Variants in PARN observed in about 807,000 individuals in gnomAD.
PARN encodes poly(A)-specific ribonuclease PARN.
PARN carries 71 observed loss-of-function variants against 102.8 expected under a neutral mutation model. The ratio of observed to expected loss-of-function variants is 0.69; its 90% CI spans 0.57 to 0.84. PARN has a LOEUF of 0.84. PARN is among the 40% of genes least tolerant of loss of function. PARN has a pLI of 0.00. For missense variants in PARN, 782 were observed against 760.9 expected (o/e 1.03, Z -0.33); for synonymous variants, 261 against 252.9 (o/e 1.03, Z -0.30).
At chr16:14,567,741 C>T (rs1458888768) in intron 18 of PARN, among the ~76,000 whole-genome samples, 4 of 152,100 alleles carry the variant, frequency 2.6e-5, no homozygotes, top group South Asian at 2.1e-4. Context: ...GGGATGTGCC[C>T]GGCACAGGCA....
chr16:14,548,537 G>A (rs962683405), intron 21 of PARN, among the ~76,000 whole-genome samples: 2 of 152,168 alleles, frequency 1.3e-5, no homozygotes, highest in African/African-American at 4.8e-5. Context: ...ACGCAATGGT[G>A]ACTGAGACAT....
intron 21 of PARN, among the ~76,000 whole-genome samples, chr16:14,541,379 T>A (rs938067920): frequency 3.9e-5 from 6 of 152,132 alleles, no homozygotes; most frequent in Non-Finnish European, 8.8e-5. Flanking sequence ...CTGGGAGCAA[T>A]CTAAGCTAAG....
At chr16:14,488,826 C>T (rs146208467) in intron 21 of PARN, among the ~76,000 whole-genome samples, 3 of 151,838 alleles carry the variant, frequency 2.0e-5, no homozygotes, top group African/African-American at 7.3e-5. Flanking sequence ...TTCCTATGAC[C>T]CTGCAATTTC....
intron 18 of PARN, among the ~76,000 whole-genome samples, chr16:14,570,649 CA>C (rs879863774): frequency 1.4e-3 from 145 of 100,736 alleles, no homozygotes; most frequent in Admixed American, 2.1e-3. Flanking sequence ...GACTCCATCT[CA>C]AAAAAAAAAA....
chr16:14,477,751 C>T lies in PARN; in HGVS notation c.1670+4887G>A, dbSNP rs191165612. On this transcript the variant is annotated intron_variant, in intron 22 of 23. Coordinates refer to ENST00000437198, the MANE Select transcript of PARN (RefSeq NM_002582.4). ...CCGAGATTGCGCCACTGCACTCCAGCCTGGCAACACAGCGAGACTCCGTCG... is the reference window on the plus strand; with the variant it reads ...CCGAGATTGCGCCACTGCACTCCAGTCTGGCAACACAGCGAGACTCCGTCG... Among the ~76,000 whole-genome samples the T allele has an allele frequency of 5.4e-3, 824 of 151,760 alleles. 7 individuals carry two copies. Among genetic ancestry groups the T allele is most frequent in the Non-Finnish European group, 6.9e-3 (472 of 67,972 alleles).
intron 21 of PARN, among the ~76,000 whole-genome samples, chr16:14,485,502 T>A (rs925355718): frequency 1.3e-5 from 2 of 152,180 alleles, no homozygotes; most frequent in Admixed American, 6.5e-5. Context: ...TAGTGGTGAT[T>A]TCGCTGTAAG....
chr16:14,599,498 A>G (rs748608593), intron 12 of PARN, among the ~76,000 whole-genome samples: 38 of 152,344 alleles, frequency 2.5e-4, no homozygotes, highest in Non-Finnish European at 4.7e-4. Flanking sequence ...AGCACTAAAC[A>G]AAGACATCAT....
intron 5 of PARN, among the ~76,000 whole-genome samples, chr16:14,622,946 A>T (rs966709297): frequency 6.6e-6 from 1 of 152,118 alleles, no homozygotes. Context: ...TCTACAAAAA[A>T]TACAAAAATT....
intron 21 of PARN, among the ~76,000 whole-genome samples, chr16:14,512,801 A>C (rs1965267548): frequency 6.6e-6 from 1 of 152,242 alleles, no homozygotes; most frequent in Admixed American, 6.5e-5. Context: ...TTGACCGTTC[A>C]GGTAAAATCA....
chr16:14,592,697 C>T (rs1970269805), intron 13 of PARN, among the ~76,000 whole-genome samples: 1 of 152,188 alleles, frequency 6.6e-6, no homozygotes, highest in Non-Finnish European at 1.5e-5. Flanking sequence ...CCTGCTATGT[C>T]TAATTGTAGC....
At chr16:14,598,619 A>G (rs1268134096) in intron 12 of PARN, among the ~76,000 whole-genome samples, 1 of 152,178 alleles carries the variant, frequency 6.6e-6, no homozygotes, top group Non-Finnish European at 1.5e-5. Flanking sequence ...AGAGGCTCAC[A>G]GCATTGTTTC....
At chr16:14,608,122 T>C (rs1567444297) in intron 9 of PARN, 159 bp downstream of exon 9, 1 of 638,454 alleles carries the variant, frequency 1.6e-6, no homozygotes, top group Non-Finnish European at 2.8e-6. Context: ...CAAAAGAAAA[T>C]TAAGTGAGTA....
intron 18 of PARN, among the ~76,000 whole-genome samples, chr16:14,572,472 C>A (rs1968872117): frequency 6.6e-6 from 1 of 152,138 alleles, no homozygotes; most frequent in African/African-American, 2.4e-5. Context: ...TTGCTAACAG[C>A]ATGCAATTGC....
chr16:14,512,490 C>CA (rs1965244426), intron 21 of PARN, among the ~76,000 whole-genome samples: 3 of 151,982 alleles, frequency 2.0e-5, no homozygotes, highest in South Asian at 4.2e-4. Context: ...GAGACTCTCT[C>CA]AAAAAAAGAA....
chr16:14,522,585 G>A (rs1424757548), intron 21 of PARN, among the ~76,000 whole-genome samples: 1 of 152,088 alleles, frequency 6.6e-6, no homozygotes, highest in East Asian at 1.9e-4. Flanking sequence ...GTGGGCTGGG[G>A]CAGCCCTGGT....
At position 14,604,206 on chromosome 16, in the gene PARN, G is replaced by C. The variant is rs759287643; in HGVS notation, c.723C>G (p.Ile241Met). The change falls in exon 11 of 24, where the codon ATC becomes ATG. Residue 241 changes from isoleucine to methionine, a missense_variant. Coordinates refer to ENST00000437198, the MANE Select transcript of PARN (RefSeq NM_002582.4). ...ETEKKERYIV[I>M]SKVDEEERKR... ...TGCGTTCTTCTTCATCTACTTTGCT[G>C]ATAACTATATATCGCTCCTTCTAAA... 6.3e-7 allele frequency: 1 copy of C among 1,594,038 alleles called. No individual in the cohort carries two copies. The highest frequency in any genetic ancestry group is 1.1e-5 in the South Asian group (1 of 88,740).
rs1180762685 is a variant in PARN, at chr16:14,614,738, C to T, written c.388+2852G>A. On this transcript the variant is annotated intron_variant, in intron 6 of 23. Transcript: ENST00000437198. ...TGGCACATGCCTGTAATCCCAGCTA[C>T]TTGGGAGGGTGAGGCAGGAGAATCA... Among the ~76,000 whole-genome samples, 18 of 146,760 alleles carry T rather than the reference C, an allele frequency of 1.2e-4. 1 individual carries two copies. Among genetic ancestry groups the T allele is most frequent in the Non-Finnish European group, 4.5e-5 (3 of 67,266 alleles).
At chr16:14,464,403 A>G (rs537454689) in intron 22 of PARN, among the ~76,000 whole-genome samples, 2 of 152,352 alleles carry the variant, frequency 1.3e-5, no homozygotes, top group South Asian at 4.1e-4. Flanking sequence ...TCTTAAAATG[A>G]ATGAAAGAAA....
At chr16:14,626,829 G>C (rs902652140) in intron 5 of PARN, among the ~76,000 whole-genome samples, 1 of 151,894 alleles carries the variant, frequency 6.6e-6, no homozygotes, top group Non-Finnish European at 1.5e-5. Flanking sequence ...ATGTTAGCCA[G>C]GATGGTCTCG....
Sources: allele counts gnomAD v4.1 joint callset (sites outside exome capture counted in the v4.1 genomes callset), GRCh38; gene constraint gnomAD v4.1.1; transcripts MANE v1.5; gene names NCBI Gene and HGNC (gene_info 2026-07-23, HGNC 2026-07-21).